Variants in NMNAT3 observed in about 807,000 individuals in gnomAD.
NMNAT3 encodes the protein nicotinamide/nicotinic acid mononucleotide adenylyltransferase 3.
A neutral mutation model predicts 24.8 loss-of-function variants in NMNAT3; 21 were observed. That is an observed-to-expected ratio of 0.85 (90% CI 0.60 to 1.22). The LOEUF is 1.22. Among genes scored for constraint, NMNAT3 ranks in the 50% most tolerant of loss-of-function variants. NMNAT3 has a pLI of 0.00. For synonymous variants in NMNAT3, 136 were observed against 155.2 expected, an observed-to-expected ratio of 0.88 and a Z score of 0.92; for missense variants, 387 against 436.6, an observed-to-expected ratio of 0.89 and a Z score of 1.01.
intron 5 of NMNAT3, among the ~76,000 whole-genome samples, chr3:139,574,839 G>C (rs561583107): frequency 6.6e-6 from 1 of 152,252 alleles, no homozygotes; most frequent in African/African-American, 2.4e-5. Context: ...TGGGGAAGTG[G>C]CCTGCTGCTG....
rs1491427335 is a variant in NMNAT3 at position 139,669,476 on chromosome 3, C to CAA, written c.-141+8228_-141+8229insTT. Among the ~76,000 whole-genome samples, 50 of 34,348 alleles carry CAA rather than the reference C, an allele frequency of 1.5e-3. 1 individual carries two copies. The highest frequency in any genetic ancestry group is 3.4e-3 in the East Asian group (4 of 1,188). The allele number at this position is 34,348 out of a possible 152,430, so 22.5% of individuals were successfully genotyped here. ...TGGGCAACAGAGTGAGACCCTGTCT[C>CAA]AGAAAAAAAAAAAAAAAAAAAAAAA... On this transcript the variant is annotated intron_variant, in intron 1 of 6. Transcript: ENST00000643695.
chr3:139,572,531 C>T (rs1166031135), intron 6 of NMNAT3, among the ~76,000 whole-genome samples: 1 of 152,062 alleles, frequency 6.6e-6, no homozygotes, highest in African/African-American at 2.4e-5. Flanking sequence ...AGGGAAGACA[C>T]CTGGGAATTA....
At chr3:139,663,506 G>A (rs998058324) in intron 1 of NMNAT3, among the ~76,000 whole-genome samples, 2 of 152,176 alleles carry the variant, frequency 1.3e-5, no homozygotes, top group Non-Finnish European at 2.9e-5. Context: ...AAGTCAAACA[G>A]CTATTAAGTA....
chr3:139,582,656 A>AG (rs2053707330), intron 4 of NMNAT3, among the ~76,000 whole-genome samples: 1 of 149,754 alleles, frequency 6.7e-6, no homozygotes, highest in African/African-American at 2.4e-5. Context: ...AAAAAAAAAA[A>AG]AAAAAAAAGA....
At chr3:139,587,357 G>A (rs924132447) in intron 3 of NMNAT3, among the ~76,000 whole-genome samples, 2 of 152,194 alleles carry the variant, frequency 1.3e-5, no homozygotes, top group African/African-American at 4.8e-5. Flanking sequence ...GGGAGCCAAG[G>A]CACAGGTCCA....
chr3:139,576,151 G>C (rs1236633153), intron 5 of NMNAT3: 2 of 985,252 alleles, frequency 2.0e-6, no homozygotes. Flanking sequence ...TTTATCAAGA[G>C]GACACTAAAT....
intron 3 of NMNAT3, among the ~76,000 whole-genome samples, chr3:139,609,269 G>A (rs553421599): frequency 6.6e-6 from 1 of 152,312 alleles, no homozygotes; most frequent in South Asian, 2.1e-4. Flanking sequence ...CAACTGCTGG[G>A]TCATATGGCA....
At chr3:139,638,145 G>A (rs1434777626) in intron 1 of NMNAT3, 83 bp from the exon 2 acceptor site, 2 of 152,218 alleles carry the variant, frequency 1.3e-5, no homozygotes, top group African/African-American at 2.4e-5. Flanking sequence ...CCTTCAAAAT[G>A]TGGTACTTCT....
intron 3 of NMNAT3, among the ~76,000 whole-genome samples, chr3:139,608,452 C>T (rs1266496883): frequency 6.6e-6 from 1 of 152,214 alleles, no homozygotes; most frequent in African/African-American, 2.4e-5. Flanking sequence ...TATTTGAAAA[C>T]TTGGGCACTG....
chr3:139,611,194 T>G (rs1846023), intron 3 of NMNAT3, among the ~76,000 whole-genome samples: 141,349 of 152,108 alleles, frequency 0.93, 66,597 homozygotes, highest in East Asian at 1. Context: ...CAGGAGAAAC[T>G]GTCTTGAGGC....
chr3:139,561,265 T>C lies in NMNAT3; in HGVS notation c.786A>G (p.Val262=), dbSNP rs1376092412. Residue 262 remains valine (V), a synonymous_variant, in exon 7 of 7, where the codon GTA becomes GTG. Transcript: ENST00000643695. ...CGATGTAACCTTTTGGGTCGTGACC[T>C]ACTCGGCCCACGCACACCAAGCCAA... is the stretch of plus-strand genomic sequence containing the variant. 6.2e-7 allele frequency: 1 copy of C among 1,614,062 alleles called. No homozygotes were observed.
chr3:139,584,523 C>T (rs959691655), intron 3 of NMNAT3: 1 of 152,196 alleles, frequency 6.6e-6, no homozygotes, highest in Non-Finnish European at 1.5e-5. Context: ...GTAGTGTTTT[C>T]ATGATCATTC....
intron 3 of NMNAT3, among the ~76,000 whole-genome samples, chr3:139,614,213 GTGTA>G (rs567041581): frequency 3.6e-4 from 54 of 151,602 alleles, no homozygotes; most frequent in African/African-American, 1.3e-3. Flanking sequence ...GCCTTTAGAT[GTGTA>G]TGTATACATT....
intron 3 of NMNAT3, among the ~76,000 whole-genome samples, chr3:139,611,162 T>A (rs1213829714): frequency 6.6e-6 from 1 of 152,076 alleles, no homozygotes; most frequent in African/African-American, 2.4e-5. Flanking sequence ...TCATAAAGAA[T>A]CAAGAAAGGT....
intron 5 of NMNAT3, among the ~76,000 whole-genome samples, chr3:139,575,126 C>T (rs1028616293): frequency 6.6e-6 from 1 of 152,164 alleles, no homozygotes; most frequent in African/African-American, 2.4e-5. Context: ...CCACGGAATT[C>T]ATCTTTATAT....
At chr3:139,602,812 T>G (rs1381380928) in intron 3 of NMNAT3, among the ~76,000 whole-genome samples, 1 of 152,234 alleles carries the variant, frequency 6.6e-6, no homozygotes, top group Admixed American at 6.5e-5. Flanking sequence ...GTTAATGCAA[T>G]TTCATTTTTG....
chr3:139,669,952 T>C (rs1042506601), intron 1 of NMNAT3, among the ~76,000 whole-genome samples: 2 of 152,236 alleles, frequency 1.3e-5, no homozygotes, highest in African/African-American at 2.4e-5. Context: ...TCTTAAACTG[T>C]ACAGTTGCAG....
rs114490898 is a variant in NMNAT3, at chr3:139,652,122, G to A, written c.-140-14060C>T. Among the ~76,000 whole-genome samples, 1,133 of 152,268 alleles carry A rather than the reference G, an allele frequency of 7.4e-3. 14 individuals are homozygous for A. The highest frequency in any genetic ancestry group is 0.026 in the African/African-American group (1,069 of 41,562). The stretch of plus-strand genomic sequence containing the variant: ...GAAGCCATGCCTGGGGAAGACCATC[G>A]TGCCCTGAGTCCTACCCTCAGCCAG... On this transcript the variant is annotated intron_variant, in intron 1 of 6. Transcript: ENST00000643695.
rs879513666 is a variant in NMNAT3, at chr3:139,560,278, A to G, written c.*732T>C. The G allele has an allele frequency of 2.0e-5, 3 of 152,748 alleles. No individual in the cohort carries two copies. The highest frequency in any genetic ancestry group is 4.4e-5 in the Non-Finnish European group (3 of 68,022). The allele number at this position is 152,748 out of a possible 1,614,324, so 9.5% of individuals were successfully genotyped here. A position where few individuals can be genotyped will look rare whatever the true frequency, so the allele number is the denominator to read the frequency against. On this transcript the variant is annotated 3_prime_UTR_variant, in exon 7 of 7. Transcript: ENST00000643695. Reference sequence around the variant, plus strand: ...AAAACATTAAAAAAGATCCTTTAAAACGGTCAGGCATCTGTTTTACCTCAG... The same window carrying G: ...AAAACATTAAAAAAGATCCTTTAAAGCGGTCAGGCATCTGTTTTACCTCAG...
Sources: gnomAD v4.1 joint callset for allele counts (sites outside exome capture counted in the v4.1 genomes callset) on GRCh38, gnomAD v4.1.1 for gene constraint, MANE v1.5 for transcripts, NCBI Gene and HGNC (gene_info 2026-07-23, HGNC 2026-07-21) for gene names.